The following MCM5 variants were observed in gnomAD, a reference collection of about 807,000 sequenced individuals.
The protein encoded by MCM5 is minichromosome maintenance complex component 5.
MCM5 carries 46 observed loss-of-function variants against 79.9 expected under a neutral mutation model. The ratio of observed to expected loss-of-function variants is 0.58; its 90% confidence interval spans 0.45 to 0.74. The LOEUF is 0.74. Ranked by LOEUF, MCM5 falls within the 30% of genes least tolerant of loss-of-function variation. The pLI, the probability that MCM5 is intolerant of heterozygous loss-of-function variation, is 0.00. For synonymous variants in MCM5, 404 were observed against 390.5 expected (o/e 1.03, Z -0.41); for missense variants, 883 against 1,017.0 (o/e 0.87, Z 1.79).
At chr22:35,421,283 C>G in intron 14 of MCM5, 35 bp from the exon 15 acceptor site, 1 of 1,597,894 alleles carries the variant, frequency 6.3e-7, no homozygotes, top group Non-Finnish European at 8.5e-7. Context: ...GAATAGCGGA[C>G]CGAGGCTACC....
At chr22:35,421,621 C>T in intron 15 of MCM5, 161 bp downstream of exon 15, 2 of 895,814 alleles carry the variant, frequency 2.2e-6, no homozygotes, top group Non-Finnish European at 3.6e-6. Flanking sequence ...CCCCTCTCCT[C>T]CTTTCTCCCC....
chr22:35,428,262 T>A (rs555292019), downstream of MCM5, among the ~76,000 whole-genome samples: 17 of 152,104 alleles, frequency 1.1e-4, no homozygotes, highest in Admixed American at 2.0e-4. Flanking sequence ...ACTCAAGTGA[T>A]CTGCCCACCT....
rs1555903416 is a variant in MCM5 at position 35,406,296 on chromosome 22, A to AACCC, written c.424-257_424-256insACCC. Reference sequence around the variant, plus strand: ...TGCTTAGTGTATCTCTTGCCCTGCCACCTCCCCCCCCAATTGTGCTGCGAG... The same window carrying AACCC: ...TGCTTAGTGTATCTCTTGCCCTGCCAACCCCCTCCCCCCCCAATTGTGCTGCGAG... On this transcript the variant is annotated intron_variant, in intron 4 of 16. Transcript: ENST00000216122. Among the ~76,000 whole-genome samples the AACCC allele has an allele frequency of 5.3e-4, 64 of 120,880 alleles. 1 individual carries two copies. The highest frequency in any genetic ancestry group is 5.5e-4 in the African/African-American group (17 of 30,828). 79.3% of individuals were successfully genotyped at this position (120,880 alleles called of 152,430 possible). A position where few individuals can be genotyped will look rare whatever the true frequency, so the allele number is the denominator to read the frequency against.
At chr22:35,409,835 C>G (rs1932324647) in intron 6 of MCM5, 1 of 152,276 alleles carries the variant, frequency 6.6e-6, no homozygotes, top group African/African-American at 2.4e-5. Flanking sequence ...GTTTCCTCAT[C>G]AGTAAAATGG....
At chr22:35,414,504 A>G (rs1000007096) in intron 9 of MCM5, among the ~76,000 whole-genome samples, 2 of 152,054 alleles carry the variant, frequency 1.3e-5, no homozygotes, top group African/African-American at 4.8e-5. Context: ...CTGTGGTCCC[A>G]GCTGCTTGGG....
At chr22:35,444,826 C>T in the MCM5 span, among the ~76,000 whole-genome samples, 12 of 152,008 alleles carry the variant, frequency 7.9e-5, no homozygotes, top group African/African-American at 2.4e-4. Context: ...CCAGCCTGGG[C>T]GATGTAGCAA....
the MCM5 span, among the ~76,000 whole-genome samples, chr22:35,449,556 CT>C: frequency 4.6e-5 from 7 of 151,080 alleles, no homozygotes; most frequent in Non-Finnish European, 8.9e-5. Context: ...CAACCGTGGC[CT>C]CTTTGTCCCA....
chr22:35,433,801 G>A, the MCM5 span, among the ~76,000 whole-genome samples: 2 of 152,122 alleles, frequency 1.3e-5, no homozygotes, highest in African/African-American at 4.8e-5. Context: ...CCTCCTCAGA[G>A]GCACTGGGCC....
intron 2 of MCM5, chr22:35,401,811 G>A (rs1932062545): frequency 2.3e-6 from 1 of 426,782 alleles, no homozygotes; most frequent in Admixed American, 2.6e-5. Context: ...CTCCACAGAG[G>A]AAGGTGAAAG....
At chr22:35,447,687 G>A in the MCM5 span, among the ~76,000 whole-genome samples, 122 of 152,114 alleles carry the variant, frequency 8.0e-4, 1 homozygote, top group East Asian at 0.02. Context: ...GGCTGGTCTC[G>A]GACTCCTGAC....
At chr22:35,410,574 G>T (rs1932349456) in intron 6 of MCM5, 170 bp from the exon 7 acceptor site, 1 of 664,238 alleles carries the variant, frequency 1.5e-6, no homozygotes, top group Non-Finnish European at 2.8e-6. Flanking sequence ...GTGACGTGGG[G>T]AGAGAGGCCG....
At position 35,400,554 on chromosome 22, in the gene MCM5, T is replaced by C. The variant is rs1932012110; in HGVS notation, c.116T>C (p.Leu39Pro). The change falls in exon 2 of 17, where the codon CTG becomes CCG. Residue 39 changes from leucine (L) to proline (P), a missense_variant. Leu to Pro is a moderately conservative substitution (Grantham distance 98). This residue lies in a region of MCM5 where 455 missense variants were observed against 517.5 expected (regional missense o/e 0.88). Coordinates refer to ENST00000216122, the MANE Select transcript of MCM5 (RefSeq NM_006739.4). ...CTGCAGAGGCGCTTCAAGGAGTTCC[T>C]GCGGCAGTACCGAGTGGGCACCGAC... is the stretch of plus-strand genomic sequence containing the variant. ...SQLQRRFKEF[L>P]RQYRVGTDRT... The C allele has an allele frequency of 6.2e-7, 1 of 1,613,802 alleles. No individual in the cohort carries two copies. The highest frequency in any genetic ancestry group is 1.3e-5 in the African/African-American group (1 of 74,932).
At chr22:35,401,599 CAG>C (rs1212761384) in intron 2 of MCM5, 60 of 470,896 alleles carry the variant, frequency 1.3e-4, no homozygotes, top group African/African-American at 1.2e-3. Flanking sequence ...TTCCAGGTGT[CAG>C]TGTCTCTGGG....
At chr22:35,405,842 T>A (rs1253890407) in intron 4 of MCM5, among the ~76,000 whole-genome samples, 1 of 151,586 alleles carries the variant, frequency 6.6e-6, no homozygotes, top group Admixed American at 6.6e-5. Context: ...AAACCCCGTC[T>A]CTACTAAAAA....
chr22:35,421,549 G>A (rs988335573), intron 15 of MCM5, 89 bp downstream of exon 15: 7 of 1,568,230 alleles, frequency 4.5e-6, no homozygotes, highest in Non-Finnish European at 5.2e-6. Context: ...CTGGGGGCCT[G>A]CAGTGTGTGT....
chr22:35,408,278 C>A, intron 5 of MCM5, 130 bp from the exon 6 acceptor site: 1 of 778,698 alleles, frequency 1.3e-6, no homozygotes, highest in Non-Finnish European at 2.1e-6. Context: ...CCTGGCTTAT[C>A]TCCAGCTTAT....
At chr22:35,412,454 C>A in intron 7 of MCM5, 56 bp from the exon 8 acceptor site, 1 of 1,386,590 alleles carries the variant, frequency 7.2e-7, no homozygotes, top group Non-Finnish European at 9.5e-7. Flanking sequence ...CCAGGATGGG[C>A]AGTGGGCTGG....
Position 35,416,059 on chromosome 22 carries a change from T to C in MCM5, c.1347+87T>C. 2.0e-6 allele frequency: 3 copies of C among 1,505,690 alleles called. 1 individual carries two copies. The highest frequency in any genetic ancestry group is 2.7e-6 in the Non-Finnish European group (3 of 1,096,668). The allele number at this position is 1,505,690 out of a possible 1,614,324, so 93.3% of individuals were successfully genotyped here. A position where few individuals can be genotyped will look rare whatever the true frequency, so the allele number is the denominator to read the frequency against. ...GTGCTCAGCCAGCAGAAATCACCTC[T>C]GACTTGGGAGACATGTTTTCAATCC... On this transcript the variant is annotated intron_variant, in intron 10 of 16. Coordinates refer to ENST00000216122, the MANE Select transcript of MCM5 (RefSeq NM_006739.4).
In MCM5 at chr22:35,419,955, G is replaced by C; in HGVS notation, c.1775G>C (p.Gly592Ala). The C allele has an allele frequency of 6.2e-7, 1 of 1,613,310 alleles. No homozygotes were observed. The highest frequency in any genetic ancestry group is 1.1e-5 in the South Asian group (1 of 90,886). Residue 592 changes from glycine to alanine, a missense_variant, in exon 14 of 17, where the codon GGG becomes GCG. Gly to Ala is a moderately conservative substitution (Grantham distance 60, BLOSUM62 0). Around this residue, in one of 3 missense-constraint regions of MCM5, gnomAD observed 426 missense variants for 482.3 expected, o/e 0.88. Coordinates refer to ENST00000216122, the MANE Select transcript of MCM5 (RefSeq NM_006739.4). ...LKNRYIIMRS[G>A]ARQHERDSDR... ...AACCGCTACATCATCATGCGGAGCG[G>C]GGCCCGTCAGCACGAGAGGGACAGT...
Sources: allele counts gnomAD v4.1 joint callset (sites outside exome capture counted in the v4.1 genomes callset), GRCh38; gene constraint gnomAD v4.1.1; regional missense constraint gnomAD v4.1.1; transcripts MANE v1.5; gene names NCBI Gene and HGNC (gene_info 2026-07-23, HGNC 2026-07-21).